Variants in ZNF680 observed in about 807,000 individuals in gnomAD.
ZNF680 encodes zinc finger protein 680.
In ZNF680, 6 loss-of-function variants were observed where a neutral mutation model predicts 12.1. The observed-to-expected ratio is 0.49, with a 90% CI of 0.27 to 0.98. The LOEUF is 0.98. Among genes scored for constraint, ZNF680 ranks in the 50% least tolerant of loss-of-function variants. The probability of loss-of-function intolerance (pLI) is 0.12; values close to 1 mark genes in which losing one functional copy is unlikely to be tolerated. For missense variants in ZNF680, 561 were observed against 616.3 expected, an observed-to-expected ratio of 0.91 and a Z score of 0.95; for synonymous variants, 170 against 199.3, an observed-to-expected ratio of 0.85 and a Z score of 1.24.
the ZNF680 span, among the ~76,000 whole-genome samples, chr7:64,504,481 TTC>T: frequency 1.3e-5 from 2 of 152,376 alleles, no homozygotes; most frequent in African/African-American, 2.4e-5. Context: ...GTTTAACTGT[TTC>T]TGATTTATCT....
chr7:64,554,096 T>C (rs1008701750), intron 1 of ZNF680, among the ~76,000 whole-genome samples: 26 of 148,232 alleles, frequency 1.8e-4, no homozygotes, highest in African/African-American at 5.8e-4. Flanking sequence ...GTCTGGGAAG[T>C]GAGGAGCGCC....
chr7:64,540,440 G>T (rs1786443004), intron 3 of ZNF680, among the ~76,000 whole-genome samples: 1 of 151,796 alleles, frequency 6.6e-6, no homozygotes, highest in Non-Finnish European at 1.5e-5. Flanking sequence ...AAGTAGCTGG[G>T]ACTACAGGCA....
At chr7:64,543,262 A>G (rs1786602817) in intron 3 of ZNF680, among the ~76,000 whole-genome samples, 1 of 152,196 alleles carries the variant, frequency 6.6e-6, no homozygotes. Flanking sequence ...GACTATCAAA[A>G]AAGACTATAA....
the ZNF680 span, chr7:64,501,754 T>A: frequency 1.2e-6 from 1 of 853,944 alleles, no homozygotes. Flanking sequence ...TTAGAAATCT[T>A]ATCCCAATAT....
intron 1 of ZNF680, chr7:64,552,140 G>C (rs182507045): frequency 6.6e-6 from 1 of 152,038 alleles, no homozygotes; most frequent in Non-Finnish European, 1.5e-5. Flanking sequence ...TGCACCCTCC[G>C]CCTCCCAGGT....
chr7:64,524,105 A>G (rs1791699979), intron 3 of ZNF680, among the ~76,000 whole-genome samples: 1 of 151,904 alleles, frequency 6.6e-6, no homozygotes, highest in Non-Finnish European at 1.5e-5. Context: ...GTCATATTTT[A>G]TGAAATATAC....
At chr7:64,499,752 AAAAC>A in the ZNF680 span, among the ~76,000 whole-genome samples, 2 of 152,248 alleles carry the variant, frequency 1.3e-5, no homozygotes, top group African/African-American at 2.4e-5. Context: ...TCAAAAAAAC[AAAAC>A]AAACAAAAAA....
intron 3 of ZNF680, among the ~76,000 whole-genome samples, chr7:64,529,605 A>G (rs1217115309): frequency 6.6e-6 from 1 of 152,148 alleles, no homozygotes; most frequent in Non-Finnish European, 1.5e-5. Flanking sequence ...CAAAGAAAAA[A>G]TAATAAGAAA....
chr7:64,504,335 T>C, the ZNF680 span, among the ~76,000 whole-genome samples: 2 of 152,220 alleles, frequency 1.3e-5, no homozygotes, highest in African/African-American at 2.4e-5. Context: ...CTTGTTTGGG[T>C]GGTATTCACG....
intron 1 of ZNF680, among the ~76,000 whole-genome samples, chr7:64,553,449 T>C (rs918979322): frequency 6.6e-6 from 1 of 152,206 alleles, no homozygotes; most frequent in Non-Finnish European, 1.5e-5. Flanking sequence ...GCCAAGTCTT[T>C]AGACATGCTC....
rs559309395 is a variant in ZNF680 at position 64,530,279 on chromosome 7, C to A, written c.254-7779G>T. Among the ~76,000 whole-genome samples the A allele has an allele frequency of 4.6e-5, 7 of 152,188 alleles. No individual in the cohort carries two copies. In the South Asian group the frequency reaches 1.4e-3, roughly 32 times the overall value. ...AAACAAAAAAACAAAAACCAAGGTA[C>A]ACAGGCAACAAATGGCACGATAAAT... On this transcript the variant is annotated intron_variant, in intron 3 of 3. Coordinates refer to ENST00000309683, the MANE Select transcript of ZNF680 (RefSeq NM_178558.5).
the ZNF680 span, among the ~76,000 whole-genome samples, chr7:64,514,708 TAA>T: frequency 1.3e-5 from 2 of 151,982 alleles, no homozygotes; most frequent in African/African-American, 4.8e-5. Context: ...TAAACTAAAC[TAA>T]TAAAAAACAA....
At chr7:64,523,639 C>T (rs1053598352) in intron 3 of ZNF680, among the ~76,000 whole-genome samples, 18 of 152,164 alleles carry the variant, frequency 1.2e-4, no homozygotes, top group African/African-American at 3.6e-4. Flanking sequence ...TAAGGCCGGG[C>T]GTGGTGGCTC....
rs780686290 is a variant in ZNF680, at chr7:64,522,162, T to C, written c.592A>G (p.Thr198Ala). 4.3e-6 allele frequency: 7 copies of C among 1,612,968 alleles called. No individual in the cohort carries two copies. The East Asian group carries it at 1.3e-4, about 31-fold the overall frequency. The change falls in exon 4 of 4, where the codon ACA becomes GCA. Residue 198 changes from threonine to alanine, a missense_variant. By Grantham distance (58) the Thr-to-Ala change is moderately conservative. Transcript: ENST00000309683. The stretch of plus-strand genomic sequence containing the variant: ...CTAGTGTGAATTCTTATATGTTGTG[T>C]TAGATGTGAAAGCATGCAAAATGAT... ...GKSFCMLSHL[T>A]QHIRIHTREN...
At chr7:64,515,742 A>G (rs1791340104), downstream of ZNF680, among the ~76,000 whole-genome samples, 1 of 152,334 alleles carries the variant, frequency 6.6e-6, no homozygotes, top group African/African-American at 2.4e-5. Context: ...AAATGCCTTT[A>G]TCCTTTATAT....
the ZNF680 span, among the ~76,000 whole-genome samples, chr7:64,502,016 TTTTC>T: frequency 1.4e-4 from 17 of 124,380 alleles, 1 homozygote; most frequent in South Asian, 1.2e-3. Flanking sequence ...TTTTTTTTTT[TTTTC>T]CTGAGATGGA....
chr7:64,517,097 G>C (rs2116337985), downstream of ZNF680, among the ~76,000 whole-genome samples: 1 of 151,622 alleles, frequency 6.6e-6, no homozygotes, highest in Middle Eastern at 3.4e-3. Flanking sequence ...CAGAAGAAAG[G>C]AAACAACCTA....
chr7:64,521,074 G>C lies in ZNF680; in HGVS notation c.*87C>G. On this transcript the variant is annotated 3_prime_UTR_variant, in exon 4 of 4. Transcript: ENST00000309683. ...TATAAATTATCTTACCTACAAGCAA[G>C]TGTAACAATCATTGGAAGGCTTTGT... 1 of 1,359,122 alleles carries C rather than the reference G, an allele frequency of 7.4e-7. No homozygotes were observed. Among genetic ancestry groups the C allele is most frequent in the South Asian group, 1.4e-5 (1 of 69,154 alleles). The allele number at this position is 1,359,122 out of a possible 1,614,324, so 84.2% of individuals were successfully genotyped here.
At chr7:64,529,964 A>G (rs1247824245) in intron 3 of ZNF680, among the ~76,000 whole-genome samples, 1 of 152,250 alleles carries the variant, frequency 6.6e-6, no homozygotes, top group East Asian at 1.9e-4. Context: ...CAGAAATCCT[A>G]CAAGCTAGAA....
Sources: allele counts gnomAD v4.1 joint callset (sites outside exome capture counted in the v4.1 genomes callset), GRCh38; gene constraint gnomAD v4.1.1; transcripts MANE v1.5; gene names NCBI Gene and HGNC (gene_info 2026-07-23, HGNC 2026-07-21).